The following SPIRE1 variants were observed in gnomAD, a reference collection of about 807,000 sequenced individuals.
The protein encoded by SPIRE1 is protein spire homolog 1.
A neutral mutation model predicts 94.1 loss-of-function variants in SPIRE1; 40 were observed. The observed-to-expected ratio is 0.43, with a 90% CI of 0.33 to 0.55. The LOEUF is 0.55. Among genes scored for constraint, SPIRE1 ranks in the 20% least tolerant of loss-of-function variants. The probability of loss-of-function intolerance (pLI) is 0.06; values close to 1 mark genes in which losing one functional copy is unlikely to be tolerated. For synonymous variants in SPIRE1, 376 were observed against 371.7 expected (o/e 1.01, Z -0.13); for missense variants, 838 against 975.2 (o/e 0.86, Z 1.87).
At chr18:12,494,665 T>TA (rs71172090) in intron 7 of SPIRE1, among the ~76,000 whole-genome samples, 16,322 of 137,696 alleles carry the variant, frequency 0.12, 1,156 homozygotes, top group Middle Eastern at 0.22. Context: ...CCGTCTCTAC[T>TA]AAAAAAAAAA....
At chr18:12,608,540 T>C (rs2037052104) in intron 2 of SPIRE1, among the ~76,000 whole-genome samples, 1 of 152,204 alleles carries the variant, frequency 6.6e-6, no homozygotes, top group Non-Finnish European at 1.5e-5. Flanking sequence ...GTTATTTTCT[T>C]TGGAAAAGGT....
intron 1 of SPIRE1, among the ~76,000 whole-genome samples, chr18:12,638,988 A>G (rs1164812507): frequency 6.6e-6 from 1 of 152,194 alleles, no homozygotes; most frequent in Non-Finnish European, 1.5e-5. Context: ...AGTTCTTTAT[A>G]GCAATGCAAG....
chr18:12,451,678 G>A (rs934104522), intron 16 of SPIRE1, among the ~76,000 whole-genome samples: 15 of 152,150 alleles, frequency 9.9e-5, no homozygotes, highest in African/African-American at 3.4e-4. Context: ...CCAGCCTCTC[G>A]GCCCTGCCAG....
At chr18:12,659,056 A>G (rs529238420), upstream of SPIRE1, among the ~76,000 whole-genome samples, 7 of 152,336 alleles carry the variant, frequency 4.6e-5, no homozygotes, top group African/African-American at 7.2e-5. Flanking sequence ...TAAATATGCA[A>G]TAAAACAGAT....
At chr18:12,478,546 G>A (rs1182938787) in intron 10 of SPIRE1, among the ~76,000 whole-genome samples, 2 of 125,598 alleles carry the variant, frequency 1.6e-5, no homozygotes, top group Non-Finnish European at 3.9e-5. Flanking sequence ...GCTAGGGTGT[G>A]TGTGTGAAGC....
At position 12,535,569 on chromosome 18, in the gene SPIRE1, A is replaced by C. The variant is rs751621843; in HGVS notation, c.636T>G (p.Asp212Glu). The change falls in exon 4 of 17, where the codon GAT becomes GAG. Residue 212 changes from aspartate to glutamate, a missense_variant. Coordinates refer to ENST00000409402, the MANE Select transcript of SPIRE1 (RefSeq NM_001128626.2). ...ATACTGCCTGATAATGATTTGGTGC[A>C]TCTGATTCAGTAGGGAGATGAGCAG... ...LCAAHLPTES[D>E]APNHYQAVCR... 6.2e-7 allele frequency: 1 copy of C among 1,613,274 alleles called. No individual in the cohort carries two copies. The highest frequency in any genetic ancestry group is 1.7e-5 in the Admixed American group (1 of 60,014).
chr18:12,610,516 C>T (rs1598527223), intron 2 of SPIRE1, among the ~76,000 whole-genome samples: 1 of 152,204 alleles, frequency 6.6e-6, no homozygotes, highest in East Asian at 1.9e-4. Context: ...CCCTTCAATC[C>T]CTTGCCTTTT....
At chr18:12,579,139 A>G (rs2036189125) in intron 2 of SPIRE1, among the ~76,000 whole-genome samples, 1 of 151,880 alleles carries the variant, frequency 6.6e-6, no homozygotes, top group Non-Finnish European at 1.5e-5. Flanking sequence ...TCAAATCTGA[A>G]CCAAGCTATG....
chr18:12,596,289 C>T (rs1019162137), intron 2 of SPIRE1, among the ~76,000 whole-genome samples: 1 of 152,158 alleles, frequency 6.6e-6, no homozygotes, highest in African/African-American at 2.4e-5. Context: ...GTCAAATAAA[C>T]CAAAACAATT....
chr18:12,638,923 G>A (rs112375986), intron 1 of SPIRE1, among the ~76,000 whole-genome samples: 3,798 of 152,154 alleles, frequency 0.025, 75 homozygotes, highest in Middle Eastern at 0.051. Flanking sequence ...TGTACAGCCT[G>A]CAGAACAGTG....
At chr18:12,657,508 GA>G in intron 1 of SPIRE1, 21 bp downstream of exon 1, 1 of 1,229,596 alleles carries the variant, frequency 8.1e-7, no homozygotes, top group Non-Finnish European at 1.0e-6. Context: ...AACTACGAGG[GA>G]AAGGGGCCCG....
chr18:12,520,144 T>C (rs1222132221), intron 4 of SPIRE1, among the ~76,000 whole-genome samples: 9 of 152,018 alleles, frequency 5.9e-5, no homozygotes, highest in East Asian at 1.9e-4. Context: ...CTAAGACATA[T>C]AATTAAATAA....
In SPIRE1 at chr18:12,583,926, C is replaced by CA. The variant is rs201331277; in HGVS notation, c.373-37023dup. On this transcript the variant is annotated intron_variant, in intron 2 of 16. Transcript: ENST00000409402. ...TAGGTGACAGAGAGAGACCTTGTCT[C>CA]AAAAAAACAAAAACAAACAAAAAAA... Among the ~76,000 whole-genome samples the CA allele has an allele frequency of 9.6e-3, 1,449 of 150,278 alleles. 25 individuals carry two copies. Among genetic ancestry groups the CA allele is most frequent in the African/African-American group, 0.034 (1,392 of 40,700 alleles).
At chr18:12,598,238 A>G (rs1335538926) in intron 2 of SPIRE1, among the ~76,000 whole-genome samples, 2 of 152,208 alleles carry the variant, frequency 1.3e-5, no homozygotes, top group Non-Finnish European at 2.9e-5. Flanking sequence ...TTCTTTTTGA[A>G]TTCTGTCAGA....
In SPIRE1 at chr18:12,631,548, C is replaced by CAAAAAAAAAAAAAAAAAAAAAA. The variant is rs869278182; in HGVS notation, c.372+3492_372+3513dup. Among the ~76,000 whole-genome samples, 16 of 63,804 alleles carry CAAAAAAAAAAAAAAAAAAAAAA rather than the reference C, an allele frequency of 2.5e-4. 1 individual carries two copies. Among genetic ancestry groups the CAAAAAAAAAAAAAAAAAAAAAA allele is most frequent in the Non-Finnish European group, 3.3e-4 (12 of 36,552 alleles). The allele number at this position is 63,804 out of a possible 152,430, so 41.9% of individuals were successfully genotyped here. ...GCAACATAGCAAAACCCCATCTCTACAAAAAAAAAAAAAAAAAAAAAAAAA... is the reference window on the plus strand; with the variant it reads ...GCAACATAGCAAAACCCCATCTCTACAAAAAAAAAAAAAAAAAAAAAAAAAAAAAAAAAAAAAAAAAAAAAAA... On this transcript the variant is annotated intron_variant, in intron 2 of 16. Coordinates refer to ENST00000409402, the MANE Select transcript of SPIRE1 (RefSeq NM_001128626.2).
intron 2 of SPIRE1, among the ~76,000 whole-genome samples, chr18:12,585,417 C>T (rs911143246): frequency 3.9e-5 from 6 of 152,110 alleles, no homozygotes; most frequent in Non-Finnish European, 5.9e-5. Flanking sequence ...TAAGAGATGT[C>T]GCAATGTCAT....
chr18:12,533,184 T>G (rs1269149961), intron 4 of SPIRE1, among the ~76,000 whole-genome samples: 1 of 152,190 alleles, frequency 6.6e-6, no homozygotes, highest in Non-Finnish European at 1.5e-5. Flanking sequence ...CTAATGCCTA[T>G]AAAGTCCTAG....
intron 3 of SPIRE1, among the ~76,000 whole-genome samples, chr18:12,542,600 A>C (rs2035043492): frequency 6.6e-6 from 1 of 151,980 alleles, no homozygotes; most frequent in Non-Finnish European, 1.5e-5. Flanking sequence ...TGATATTTAC[A>C]AATTCTTTTA....
intron 2 of SPIRE1, among the ~76,000 whole-genome samples, chr18:12,629,869 A>C (rs2037728231): frequency 6.6e-6 from 1 of 152,234 alleles, no homozygotes; most frequent in Non-Finnish European, 1.5e-5. Context: ...ATTTCCATTA[A>C]GGAGTTCAAA....
Sources: allele counts gnomAD v4.1 joint callset (sites outside exome capture counted in the v4.1 genomes callset), GRCh38; gene constraint gnomAD v4.1.1; transcripts MANE v1.5; gene names NCBI Gene and HGNC (gene_info 2026-07-23, HGNC 2026-07-21).